ARHGAP10: variants seen among roughly 807,000 people sequenced by gnomAD.
The protein encoded by ARHGAP10 is Rho GTPase activating protein 10.
Under a neutral mutation model 108.6 loss-of-function variants are expected in ARHGAP10, and 87 were observed. That is an observed-to-expected ratio of 0.80 (90% CI 0.67 to 0.96). The LOEUF (loss-of-function observed/expected upper bound fraction) is 0.96, where lower values mean the gene tolerates loss of function less well. ARHGAP10 is among the 40% of genes least tolerant of loss of function. The pLI, the probability that ARHGAP10 is intolerant of heterozygous loss-of-function variation, is 0.00. For synonymous variants in ARHGAP10, 347 were observed against 341.1 expected (o/e 1.02, Z -0.19); for missense variants, 939 against 954.5 (o/e 0.98, Z 0.21).
intron 20 of ARHGAP10, among the ~76,000 whole-genome samples, chr4:148,059,789 G>A (rs1178536521): frequency 4.6e-5 from 7 of 152,214 alleles, no homozygotes; most frequent in East Asian, 1.9e-4. Flanking sequence ...TGGGACTCGC[G>A]GTCAGAGCCA....
At chr4:148,066,144 T>G (rs12641157) in intron 22 of ARHGAP10, among the ~76,000 whole-genome samples, 106,528 of 152,034 alleles carry the variant, frequency 0.7, 37,957 homozygotes, top group East Asian at 0.84. Context: ...GCCTCTGTCT[T>G]GTTTCCCTGG....
chr4:147,841,400 T>A (rs1240770324), intron 3 of ARHGAP10, among the ~76,000 whole-genome samples: 2 of 152,262 alleles, frequency 1.3e-5, no homozygotes, highest in African/African-American at 4.8e-5. Context: ...ATGTTAGTAT[T>A]TGAAAACTTC....
intron 3 of ARHGAP10, 83 bp from the exon 4 acceptor site, chr4:147,847,068 A>G (rs1007646183): frequency 4.5e-6 from 5 of 1,103,242 alleles, no homozygotes; most frequent in Non-Finnish European, 6.6e-6. Flanking sequence ...TCTGGGTGGG[A>G]TGGAAGAGGG....
intron 1 of ARHGAP10, among the ~76,000 whole-genome samples, chr4:147,767,014 A>C (rs964565458): frequency 2.0e-5 from 3 of 151,282 alleles, no homozygotes; most frequent in Non-Finnish European, 4.4e-5. Flanking sequence ...ACGCCCAGAT[A>C]AGTTTTTTGT....
intron 17 of ARHGAP10, 125 bp from the exon 18 acceptor site, chr4:147,966,555 G>A: frequency 1.2e-6 from 1 of 803,854 alleles, no homozygotes; most frequent in Non-Finnish European, 1.9e-6. Flanking sequence ...TTCAGAGGTA[G>A]ATGTTGAGGG....
At chr4:147,736,478 C>CT (rs888491917) in intron 1 of ARHGAP10, among the ~76,000 whole-genome samples, 118 of 151,096 alleles carry the variant, frequency 7.8e-4, no homozygotes, top group African/African-American at 1.3e-3. Context: ...CCTTGGTTTC[C>CT]TTTTTTTTTG....
At chr4:148,048,930 G>C (rs141680892) in intron 20 of ARHGAP10, among the ~76,000 whole-genome samples, 174 of 151,778 alleles carry the variant, frequency 1.1e-3, no homozygotes, top group African/African-American at 3.2e-3. Context: ...GGGTTGGGGG[G>C]AGTAGTTGAA....
At chr4:147,821,022 A>G (rs796776670) in intron 1 of ARHGAP10, among the ~76,000 whole-genome samples, 2 of 152,184 alleles carry the variant, frequency 1.3e-5, no homozygotes, top group Non-Finnish European at 2.9e-5. Flanking sequence ...GGGCAGTTAC[A>G]TGTCCCTCCA....
chr4:147,901,838 G>A (rs1736261115), intron 10 of ARHGAP10, among the ~76,000 whole-genome samples: 1 of 152,112 alleles, frequency 6.6e-6, no homozygotes, highest in Non-Finnish European at 1.5e-5. Context: ...TGTAACTGGT[G>A]AAGAATATAC....
At position 147,965,244 on chromosome 4, in the gene ARHGAP10, G is replaced by A. The variant is rs942874944; in HGVS notation, c.1556+115G>A. The A allele has an allele frequency of 6.2e-6, 4 of 643,966 alleles. No homozygotes were observed. The Admixed American group carries it at 1.0e-4, about 16-fold the overall frequency. 39.9% of individuals were successfully genotyped at this position (643,966 alleles called of 1,614,324 possible). A position where few individuals can be genotyped will look rare whatever the true frequency, so the allele number is the denominator to read the frequency against. ...CCACACCTGGAAGGGCAGGCTGAAC[G>A]TTTGACTCATTGTGTGTGTTTTGGA... On this transcript the variant is annotated intron_variant, in intron 17 of 22. Coordinates refer to ENST00000336498, the MANE Select transcript of ARHGAP10 (RefSeq NM_024605.4).
At chr4:147,966,632 T>A in intron 17 of ARHGAP10, 48 bp from the exon 18 acceptor site, 2 of 1,482,186 alleles carry the variant, frequency 1.3e-6, no homozygotes, top group Non-Finnish European at 1.8e-6. Context: ...CAGTCCACAA[T>A]TTTTGCTCCT....
rs143423153 is a variant in ARHGAP10, at chr4:147,977,307, C to T, written c.1716+10468C>T. Among the ~76,000 whole-genome samples, 839 of 152,174 alleles carry T rather than the reference C, an allele frequency of 5.5e-3. 6 individuals are homozygous for T. The highest frequency in any genetic ancestry group is 0.03 in the South Asian group (143 of 4,806). ...CGAGTGTGGTGGCGTATGTGTAGGT[C>T]GGCTCCAGGGAAGGCACCATCAGGT... On this transcript the variant is annotated intron_variant, in intron 18 of 22. Transcript: ENST00000336498.
intron 3 of ARHGAP10, among the ~76,000 whole-genome samples, chr4:147,843,808 C>G (rs1416594846): frequency 6.6e-6 from 1 of 152,248 alleles, no homozygotes; most frequent in Non-Finnish European, 1.5e-5. Flanking sequence ...GCCACTGCAC[C>G]CGGCCTGAAC....
chr4:148,015,789 C>T (rs1165791839), intron 18 of ARHGAP10, among the ~76,000 whole-genome samples: 1 of 152,150 alleles, frequency 6.6e-6, no homozygotes, highest in Non-Finnish European at 1.5e-5. Flanking sequence ...TTGTATTTGG[C>T]CATTTTGTAA....
intron 18 of ARHGAP10, among the ~76,000 whole-genome samples, chr4:147,972,024 A>C (rs1005349240): frequency 3.3e-5 from 5 of 152,132 alleles, no homozygotes; most frequent in Admixed American, 3.3e-4. Flanking sequence ...TATGGGTGTC[A>C]CTAATAAAAG....
intron 1 of ARHGAP10, among the ~76,000 whole-genome samples, chr4:147,734,024 T>C (rs1393254880): frequency 3.3e-5 from 5 of 151,654 alleles, no homozygotes; most frequent in African/African-American, 4.8e-5. Context: ...CCTATACATA[T>C]GGAGGAGTGA....
intron 18 of ARHGAP10, among the ~76,000 whole-genome samples, chr4:147,976,611 A>G (rs534591608): frequency 1.3e-5 from 2 of 152,054 alleles, no homozygotes; most frequent in Non-Finnish European, 2.9e-5. Flanking sequence ...AGACTTTAAA[A>G]GCACAGGAAA....
chr4:147,833,022 G>A (rs1733016261), intron 3 of ARHGAP10, among the ~76,000 whole-genome samples: 1 of 152,200 alleles, frequency 6.6e-6, no homozygotes, highest in Admixed American at 6.5e-5. Flanking sequence ...TCAAGGAAGT[G>A]CTGGTATCAG....
At chr4:147,996,109 A>G (rs28493775) in intron 18 of ARHGAP10, among the ~76,000 whole-genome samples, 21,753 of 152,166 alleles carry the variant, frequency 0.14, 2,497 homozygotes, top group African/African-American at 0.32. Flanking sequence ...TAGGTGCAGG[A>G]GATGGTTTGG....
Sources: gnomAD v4.1 joint callset for allele counts (sites outside exome capture counted in the v4.1 genomes callset) on GRCh38, gnomAD v4.1.1 for gene constraint, MANE v1.5 for transcripts, NCBI Gene and HGNC (gene_info 2026-07-23, HGNC 2026-07-21) for gene names.